The following NAV1 variants were observed in gnomAD, a reference collection of about 807,000 sequenced individuals.
NAV1 encodes the protein pore membrane and/or filament interacting like protein 3.
NAV1 carries 18 observed loss-of-function variants against 175.2 expected under a neutral mutation model. The observed-to-expected ratio is 0.10, with a 90% CI of 0.07 to 0.15. NAV1 has a LOEUF of 0.15. Ranked by LOEUF, NAV1 falls within the 10% of genes least tolerant of loss-of-function variation. The pLI is 1.00. For missense variants in NAV1, 1,731 were observed against 2,436.6 expected, an observed-to-expected ratio of 0.71 and a Z score of 6.10; for synonymous variants, 897 against 978.7, an observed-to-expected ratio of 0.92 and a Z score of 1.56.
Position 201,787,418 on chromosome 1 carries a change from A to T in NAV1, c.2995+841A>T, listed in dbSNP as rs1477160703. Among the ~76,000 whole-genome samples the T allele has an allele frequency of 1.3e-5, 2 of 152,222 alleles. No individual in the cohort carries two copies. Among genetic ancestry groups the T allele is most frequent in the Non-Finnish European group, 1.5e-5 (1 of 68,024 alleles). ...GCAGTGACTGTGGGGAATTTGAGGA[A>T]AGACTAGGAATTGGGATCACTTGGC... On this transcript the variant is annotated intron_variant, in intron 9 of 29. Transcript: ENST00000367296. This position sits in a 1 kb window ranked among gnomAD's most constrained non-coding sequence, Gnocchi z 4.3.
At chr1:201,546,903 CAAAAA>C (rs534761806) in intron 1 of NAV1, among the ~76,000 whole-genome samples, 1 of 59,014 alleles carries the variant, frequency 1.7e-5, no homozygotes. Context: ...AACTCTGTCT[CAAAAA>C]AAAAAAAAAA....
At chr1:201,617,654 G>A (rs1668044115) in intron 2 of NAV1, among the ~76,000 whole-genome samples, 1 of 152,128 alleles carries the variant, frequency 6.6e-6, no homozygotes, top group Non-Finnish European at 1.5e-5. Flanking sequence ...CTTAAGCCTG[G>A]GAGATTGAGT....
In NAV1 at chr1:201,767,317, G is replaced by C. The variant is rs1339721612; in HGVS notation, c.1227-13104G>C. 2.0e-5 allele frequency among the ~76,000 whole-genome samples: 3 copies of C among 151,728 alleles called. No individual in the cohort carries two copies. The East Asian group carries it at 6.0e-4, about 30-fold the overall frequency. The stretch of plus-strand genomic sequence containing the variant: ...AATCCAAAAATTAGCTGGGCATGGT[G>C]GTGGGCACCTGTAATCCCAGCTACT... On this transcript the variant is annotated intron_variant, in intron 3 of 29. Coordinates refer to ENST00000367296, the Ensembl canonical transcript of NAV1.
At position 201,613,404 on chromosome 1, in the gene NAV1, G is replaced by A. The variant is rs564364150; in HGVS notation, c.-32-9449G>A. On this transcript the variant is annotated intron_variant, in intron 2 of 33. Transcript: ENST00000685211. ...GAAACATTCTGGTGACAATGTTTCT[G>A]CTATTCTGACTGAAATGGCTGACAA... 2.1e-4 allele frequency among the ~76,000 whole-genome samples: 32 copies of A among 152,052 alleles called. 1 individual carries two copies. In the East Asian group the frequency reaches 3.7e-3, roughly 17 times the overall value.
intron 1 of NAV1, among the ~76,000 whole-genome samples, chr1:201,651,143 G>GTT (rs1379733747): frequency 5.5e-4 from 84 of 151,698 alleles, no homozygotes; most frequent in African/African-American, 2.0e-3. Context: ...GTGTGTGTGT[G>GTT]TGTGTGTGTG....
chr1:201,793,762 C>T (rs1430094739), intron 13 of NAV1, 30 bp from the exon 18 acceptor site: 9 of 1,603,970 alleles, frequency 5.6e-6, no homozygotes, highest in Middle Eastern at 1.7e-4. Context: ...CCTTATGCAA[C>T]TTAGCAATCT....
At chr1:201,682,754 G>A (rs1477545431) in intron 1 of NAV1, among the ~76,000 whole-genome samples, 2 of 151,890 alleles carry the variant, frequency 1.3e-5, no homozygotes, top group African/African-American at 2.4e-5. Context: ...GACCCACTAA[G>A]TTCAAGTCCA....
chr1:201,636,640 C>T (rs573587725), intron 2 of NAV1, among the ~76,000 whole-genome samples: 6 of 152,224 alleles, frequency 3.9e-5, no homozygotes, highest in African/African-American at 9.6e-5. Context: ...GAGGGGAGAG[C>T]GGAGAAATGC....
intron 2 of NAV1, among the ~76,000 whole-genome samples, chr1:201,630,448 T>G (rs952567032): frequency 6.6e-6 from 1 of 152,184 alleles, no homozygotes; most frequent in Non-Finnish European, 1.5e-5. Flanking sequence ...AGCCTGACCC[T>G]GAGATCACCG....
In NAV1 at chr1:201,694,680, T is replaced by C. The variant is rs571146885; in HGVS notation, c.758-18137T>C. 1.3e-5 allele frequency among the ~76,000 whole-genome samples: 2 copies of C among 152,314 alleles called. No homozygotes were observed. The highest frequency in any genetic ancestry group is 3.9e-4 in the East Asian group (2 of 5,180). On this transcript the variant is annotated intron_variant, in intron 1 of 29. Transcript: ENST00000367296. The surrounding 1 kb of genome is among the most constrained non-coding windows in gnomAD (Gnocchi z 4.2). ...AGCCGTAAATAGCCAGGAGCCTGTG[T>C]TCTCTGGGCTCTGTGTTCTGTCGGT... is the stretch of plus-strand genomic sequence containing the variant.
chr1:201,631,919 C>T (rs998205733), intron 2 of NAV1, among the ~76,000 whole-genome samples: 9 of 152,020 alleles, frequency 5.9e-5, no homozygotes, highest in African/African-American at 9.7e-5. Context: ...CAGTGCCTGG[C>T]GGTCAGGGTT....
At chr1:201,661,141 C>T (rs944527447) in intron 1 of NAV1, among the ~76,000 whole-genome samples, 69 of 152,280 alleles carry the variant, frequency 4.5e-4, no homozygotes, top group Middle Eastern at 6.8e-3. Flanking sequence ...ATGATTCAGC[C>T]GCTAGACTCT....
intron 1 of NAV1, among the ~76,000 whole-genome samples, chr1:201,705,166 T>C (rs1671615567): frequency 6.6e-6 from 1 of 152,160 alleles, no homozygotes; most frequent in Admixed American, 6.5e-5. Flanking sequence ...TGCTTTACGA[T>C]TCCTCTTAGC....
chr1:201,645,295 G>C (rs568294044), upstream of NAV1, among the ~76,000 whole-genome samples: 20 of 149,984 alleles, frequency 1.3e-4, no homozygotes, highest in East Asian at 3.8e-3. Flanking sequence ...GCAAACTATC[G>C]CAAGGACAAA....
In NAV1 at chr1:201,740,505, G is replaced by T. The variant is rs1216571585; in HGVS notation, c.1226+21750G>T. Among the ~76,000 whole-genome samples the T allele has an allele frequency of 6.6e-6, 1 of 152,226 alleles. No homozygotes were observed. Among genetic ancestry groups the T allele is most frequent in the Non-Finnish European group, 1.5e-5 (1 of 68,040 alleles). On this transcript the variant is annotated intron_variant, in intron 3 of 29. Transcript: ENST00000367296. This position sits in a 1 kb window ranked among gnomAD's most constrained non-coding sequence, Gnocchi z 4.7. ...GACCAGGCGGGTGGAAGGAGGAGGG[G>T]CTTGCAGCCCCAGGTCGGCCCTGCC...
intron 1 of NAV1, among the ~76,000 whole-genome samples, chr1:201,650,942 T>C (rs951232663): frequency 6.6e-6 from 1 of 152,150 alleles, no homozygotes; most frequent in East Asian, 1.9e-4. Flanking sequence ...AGTGTGGGGC[T>C]GAGCCTGTCA....
intron 3 of NAV1, among the ~76,000 whole-genome samples, chr1:201,726,146 G>A (rs1207823027): frequency 6.6e-6 from 1 of 152,192 alleles, no homozygotes; most frequent in Non-Finnish European, 1.5e-5. Flanking sequence ...TGTGGTGTAG[G>A]GAAGAAGCAC....
intron 1 of NAV1, among the ~76,000 whole-genome samples, chr1:201,676,429 G>A (rs138830232): frequency 1.3e-5 from 2 of 152,316 alleles, no homozygotes; most frequent in African/African-American, 2.4e-5. Flanking sequence ...ACACAGAGTC[G>A]GCTTCCTAGG....
intron 1 of NAV1, among the ~76,000 whole-genome samples, chr1:201,689,880 C>T (rs934430756): frequency 6.6e-6 from 1 of 152,212 alleles, no homozygotes. Context: ...CCTCCATGGC[C>T]TGTCTGTGGC....
Sources: gnomAD v4.1 joint callset for allele counts (sites outside exome capture counted in the v4.1 genomes callset) on GRCh38, gnomAD v4.1.1 for gene constraint, Gnocchi (gnomAD v3.1) non-coding constraint, MANE v1.5 for transcripts, NCBI Gene and HGNC (gene_info 2026-07-23, HGNC 2026-07-21) for gene names.